SLA2: variants seen among roughly 807,000 people sequenced by gnomAD.
SLA2 encodes the protein Src like adaptor 2, also known as src-like-adapter 2.
SLA2 carries 22 observed loss-of-function variants against 27.3 expected under a neutral mutation model. The ratio of observed to expected loss-of-function variants is 0.81; its 90% CI spans 0.58 to 1.15. The LOEUF (loss-of-function observed/expected upper bound fraction) is 1.15. Among genes scored for constraint, SLA2 ranks in the 50% most tolerant of loss-of-function variants. SLA2 has a pLI of 0.00. For missense variants in SLA2, 304 were observed against 322.2 expected (o/e 0.94, Z 0.43); for synonymous variants, 131 against 137.8 (o/e 0.95, Z 0.34).
chr20:36,614,213 G>T, intron 7 of SLA2, 92 bp downstream of exon 7: 1 of 1,592,884 alleles, frequency 6.3e-7, no homozygotes, highest in African/African-American at 1.3e-5. Context: ...GTCCCTGAGT[G>T]TGACAGGTAC....
chr20:36,631,902 AC>A (rs2039396358), intron 5 of SLA2, among the ~76,000 whole-genome samples: 1 of 152,222 alleles, frequency 6.6e-6, no homozygotes, highest in Admixed American at 6.5e-5. Flanking sequence ...TGTGTCAGAA[AC>A]ACTTGGGAAA....
intron 2 of SLA2, among the ~76,000 whole-genome samples, chr20:36,637,309 T>C (rs1286750041): frequency 2.6e-5 from 4 of 151,024 alleles, no homozygotes; most frequent in Non-Finnish European, 5.9e-5. Context: ...TTCAAGTGAT[T>C]CTCCTGCCTC....
At chr20:36,632,748 A>G (rs1332472229) in intron 4 of SLA2, 50 bp from the exon 5 acceptor site, 8 of 1,495,212 alleles carry the variant, frequency 5.4e-6, no homozygotes, top group Non-Finnish European at 7.4e-6. Flanking sequence ...CTGGAGGAAG[A>G]GGGAAGCCAA....
chr20:36,614,764 GACCTGCAGAAA>G, intron 6 of SLA2: 1 of 985,402 alleles, frequency 1.0e-6, no homozygotes, highest in Non-Finnish European at 1.2e-6. Context: ...CACACAGAGT[GACCTGCAGAAA>G]ACCCCTAATG....
intron 2 of SLA2, among the ~76,000 whole-genome samples, chr20:36,637,044 T>C (rs780791467): frequency 2.0e-5 from 3 of 152,100 alleles, no homozygotes; most frequent in Admixed American, 6.6e-5. Flanking sequence ...CTCACAATTC[T>C]CAATAATTCT....
intron 5 of SLA2, among the ~76,000 whole-genome samples, chr20:36,626,425 G>T (rs1430108109): frequency 6.6e-6 from 1 of 151,614 alleles, no homozygotes. Flanking sequence ...TTCGCAGGGC[G>T]TGGAAGCATT....
rs1419158908 is a variant in SLA2 at position 36,634,564 on chromosome 20, GGCCACGGCT to G, written c.108_116del (p.Ala37_Ala39del). ...GGCCACCTGCCGGGAAACTGCCCAGGGCCACGGCTGTGGCCTTGCTTCTCTCTAGATGGA... is the reference window on the plus strand; with the variant it reads ...GGCCACCTGCCGGGAAACTGCCCAGGGTGGCCTTGCTTCTCTCTAGATGGA... On this transcript the variant is annotated inframe_deletion, in exon 3 of 8. Transcript: ENST00000262866. 1.9e-6 allele frequency: 3 copies of G among 1,609,830 alleles called. No homozygotes were observed. Among genetic ancestry groups the G allele is most frequent in the Non-Finnish European group, 2.5e-6 (3 of 1,177,522 alleles).
rs375692513 is a variant in SLA2 at position 36,621,240 on chromosome 20, T to C, written c.383-5866A>G. Reference sequence around the variant, plus strand: ...ATGGTTACAATGAAGGAGGAAATTTTGGCGCTGGTAACTATGCTGGTGATG... The same window carrying C: ...ATGGTTACAATGAAGGAGGAAATTTCGGCGCTGGTAACTATGCTGGTGATG... On this transcript the variant is annotated intron_variant, in intron 5 of 7. Transcript: ENST00000262866. 22 of 545,804 alleles carry C rather than the reference T, an allele frequency of 4.0e-5. No individual in the cohort carries two copies. In the East Asian group the frequency reaches 4.5e-4, roughly 11 times the overall value. The allele number at this position is 545,804 out of a possible 1,614,324, so 33.8% of individuals were successfully genotyped here. A position where few individuals can be genotyped will look rare whatever the true frequency, so the allele number is the denominator to read the frequency against.
intron 7 of SLA2, 41 bp downstream of exon 7, chr20:36,614,264 C>T (rs112905697): frequency 1.5e-5 from 25 of 1,614,074 alleles, no homozygotes; most frequent in African/African-American, 1.5e-4. Flanking sequence ...CCTTCTAACT[C>T]TTGGTCCTGC....
intron 5 of SLA2, among the ~76,000 whole-genome samples, chr20:36,618,373 ACTACAG>A (rs1289035347): frequency 6.6e-6 from 1 of 151,472 alleles, no homozygotes; most frequent in Non-Finnish European, 1.5e-5. Flanking sequence ...AGTAGCTGGG[ACTACAG>A]GCACGTGCCA....
intron 1 of SLA2, among the ~76,000 whole-genome samples, chr20:36,641,581 T>TATGCCACAACAGGCTCAACTTTTTC (rs2039507253): frequency 1.3e-5 from 2 of 152,136 alleles, no homozygotes; most frequent in Non-Finnish European, 2.9e-5. Flanking sequence ...TCATCTTTTT[T>TATGCCACAACAGGCTCAACTTTTTC]ATGCCACAAC....
rs1395107452 is a variant in SLA2 at position 36,615,173 on chromosome 20, TC to T, written c.532+51del. 4.3e-6 allele frequency: 7 copies of T among 1,612,192 alleles called. No individual in the cohort carries two copies. In the African/African-American group the frequency reaches 8.0e-5, roughly 18 times the overall value. On this transcript the variant is annotated intron_variant, in intron 6 of 7. Coordinates refer to ENST00000262866, the MANE Select transcript of SLA2 (RefSeq NM_032214.4). ...AATATCCAAGGGCACCACTGCCTGC[TC>T]CTCCCCACAGACTATCCCAGCCTAG...
rs1600829108 is a variant in SLA2 at position 36,634,373 on chromosome 20, T to G, written c.191+117A>C. The G allele has an allele frequency of 4.3e-6, 3 of 705,452 alleles. No individual in the cohort carries two copies. The East Asian group carries it at 8.7e-5, about 20-fold the overall frequency. The allele number at this position is 705,452 out of a possible 1,614,324, so 43.7% of individuals were successfully genotyped here. ...ATCATAGCTCATTGCAGCCTTGAGC[T>G]CCCGAGCTCCAGCGATTCTCCCACC... On this transcript the variant is annotated intron_variant, in intron 3 of 7. Transcript: ENST00000262866.
chr20:36,628,254 G>A (rs2039359187), intron 5 of SLA2, among the ~76,000 whole-genome samples: 1 of 152,190 alleles, frequency 6.6e-6, no homozygotes, highest in Non-Finnish European at 1.5e-5. Flanking sequence ...GGCCCCTAGA[G>A]TCACTGTGGT....
In SLA2 at chr20:36,613,855, C is replaced by T; in HGVS notation, c.*11G>A. 1 of 1,600,070 alleles carries T rather than the reference C, an allele frequency of 6.2e-7. No homozygotes were observed. Among genetic ancestry groups the T allele is most frequent in the Non-Finnish European group, 8.5e-7 (1 of 1,172,116 alleles). On this transcript the variant is annotated 3_prime_UTR_variant, in exon 8 of 8. Transcript: ENST00000262866. ...GCAGCCTTGGTTTCCCTTTTGGCCT[C>T]TCCTTTGGGCCTAGGCATCATCCAA...
At chr20:36,623,931 T>C (rs2039310460) in intron 5 of SLA2, among the ~76,000 whole-genome samples, 1 of 152,136 alleles carries the variant, frequency 6.6e-6, no homozygotes, top group South Asian at 2.1e-4. Context: ...GACCAAGACC[T>C]TATAACTTTT....
intron 4 of SLA2, among the ~76,000 whole-genome samples, chr20:36,633,079 C>CT (rs1188259380): frequency 6.6e-6 from 1 of 152,088 alleles, no homozygotes; most frequent in East Asian, 1.9e-4. Context: ...CTGTTTTTTT[C>CT]TTTTTTTACT....
At chr20:36,632,792 G>T in intron 4 of SLA2, 94 bp from the exon 5 acceptor site, 1 of 942,274 alleles carries the variant, frequency 1.1e-6, no homozygotes. Flanking sequence ...ACCCTCACAA[G>T]GCCCTCCCTC....
At chr20:36,620,234 C>T (rs746051444) in intron 5 of SLA2, among the ~76,000 whole-genome samples, 1 of 151,246 alleles carries the variant, frequency 6.6e-6, no homozygotes, top group African/African-American at 2.4e-5. Flanking sequence ...ACTAAAAATA[C>T]AAAAATTAGC....
Sources: allele counts gnomAD v4.1 joint callset (sites outside exome capture counted in the v4.1 genomes callset), GRCh38; gene constraint gnomAD v4.1.1; transcripts MANE v1.5; gene names NCBI Gene and HGNC (gene_info 2026-07-23, HGNC 2026-07-21).